Variants in MYO16 observed in about 807,000 individuals in gnomAD.
MYO16 encodes the protein myosin XVI.
A neutral mutation model predicts 205.3 loss-of-function variants in MYO16; 94 were observed. The observed-to-expected ratio is 0.46, with a 90% CI of 0.39 to 0.54. The LOEUF (loss-of-function observed/expected upper bound fraction) is 0.54. Ranked by LOEUF, MYO16 falls within the 20% of genes least tolerant of loss-of-function variation. The pLI is 0.00. For missense variants in MYO16, 2,315 were observed against 2,387.5 expected (o/e 0.97, Z 0.63); for synonymous variants, 988 against 954.0 (o/e 1.04, Z -0.66).
chr13:108,669,939 G>A (rs550903958), intron 2 of MYO16, among the ~76,000 whole-genome samples: 13 of 152,084 alleles, frequency 8.5e-5, no homozygotes, highest in South Asian at 2.1e-4. Flanking sequence ...GGGTGGTAAC[G>A]GGAGGGAGAG....
Position 109,140,790 on chromosome 13 carries a change from C to A in MYO16, c.4578C>A (p.Pro1526=). 1.3e-6 allele frequency: 2 copies of A among 1,577,000 alleles called. No individual in the cohort carries two copies. The highest frequency in any genetic ancestry group is 8.6e-7 in the Non-Finnish European group (1 of 1,164,572). The change falls in exon 32 of 35, where the codon CCC becomes CCA. Residue 1526 remains proline, a synonymous_variant. Transcript: ENST00000457511. This position sits in a 1 kb window ranked among gnomAD's most constrained non-coding sequence, Gnocchi z 8.0. ...VFPPTPVTCS[P]ASDESPLTPL... ...CCCCGACCCCCGTCACCTGCTCCCC[C>A]GCCTCCGACGAGTCGCCCCTGACAC...
chr13:108,952,719 C>T (rs9587731), intron 16 of MYO16, among the ~76,000 whole-genome samples: 20,324 of 152,152 alleles, frequency 0.13, 1,540 homozygotes, highest in Middle Eastern at 0.24. Flanking sequence ...AATTACTCTT[C>T]ACAAATGCTC....
chr13:109,146,324 T>A (rs1039679088), intron 32 of MYO16, among the ~76,000 whole-genome samples: 2 of 152,246 alleles, frequency 1.3e-5, no homozygotes, highest in Non-Finnish European at 2.9e-5. Context: ...CATAGGGCCA[T>A]TTGTTTACAA....
At chr13:108,722,446 T>C (rs919335903) in intron 3 of MYO16, among the ~76,000 whole-genome samples, 3 of 152,200 alleles carry the variant, frequency 2.0e-5, no homozygotes, top group African/African-American at 7.2e-5. Context: ...GCTGTCAAAT[T>C]ATTATTCATA....
At chr13:108,582,480 G>A in the MYO16 span, among the ~76,000 whole-genome samples, 1 of 152,194 alleles carries the variant, frequency 6.6e-6, no homozygotes, top group Non-Finnish European at 1.5e-5. Flanking sequence ...ACCCAACTGA[G>A]CACCCAGCTC....
At chr13:108,886,234 A>G (rs1879874674) in intron 13 of MYO16, among the ~76,000 whole-genome samples, 2 of 151,996 alleles carry the variant, frequency 1.3e-5, no homozygotes, top group African/African-American at 2.4e-5. Flanking sequence ...TGATCCGCCC[A>G]CCACAGCCTC....
intron 2 of MYO16, among the ~76,000 whole-genome samples, chr13:108,705,307 C>T (rs914738441): frequency 1.3e-5 from 2 of 152,172 alleles, no homozygotes; most frequent in South Asian, 2.1e-4. Context: ...CTCAGTGATC[C>T]GGGATCACCT....
chr13:108,961,763 T>C lies in MYO16; in HGVS notation c.2155+107T>C, dbSNP rs1883592648. 5 of 830,046 alleles carry C rather than the reference T, an allele frequency of 6.0e-6. No homozygotes were observed. The Admixed American group carries it at 8.0e-5, about 13-fold the overall frequency. 51.4% of individuals were successfully genotyped at this position (830,046 alleles called of 1,614,324 possible). ...GAAAAGCCAGTTGGCTTAAACCCTTTCCTCTATAGTAGAATTCAGTGAGGG... is the reference window on the plus strand; with the variant it reads ...GAAAAGCCAGTTGGCTTAAACCCTTCCCTCTATAGTAGAATTCAGTGAGGG... On this transcript the variant is annotated intron_variant, in intron 18 of 34. Coordinates refer to ENST00000457511, the MANE Select transcript of MYO16 (RefSeq NM_001198950.3).
At chr13:109,047,984 G>T (rs1191179889) in intron 24 of MYO16, among the ~76,000 whole-genome samples, 3 of 151,810 alleles carry the variant, frequency 2.0e-5, no homozygotes, top group Non-Finnish European at 4.4e-5. Flanking sequence ...TTATGAAGAC[G>T]GAAAAGAATT....
intron 14 of MYO16, among the ~76,000 whole-genome samples, chr13:108,894,982 A>G (rs1176835396): frequency 6.6e-6 from 1 of 152,252 alleles, no homozygotes; most frequent in East Asian, 1.9e-4. Flanking sequence ...AATGAATTTC[A>G]ACTTTAAGAA....
chr13:108,967,885 A>G (rs942930070), intron 20 of MYO16, among the ~76,000 whole-genome samples: 2 of 152,118 alleles, frequency 1.3e-5, no homozygotes, highest in African/African-American at 2.4e-5. Flanking sequence ...GCTTCCTCAC[A>G]TCTCCTCCCA....
At chr13:108,753,197 GTC>G (rs1244354084) in intron 4 of MYO16, among the ~76,000 whole-genome samples, 1 of 151,628 alleles carries the variant, frequency 6.6e-6, no homozygotes, top group African/African-American at 2.4e-5. Context: ...GTGAAACCCT[GTC>G]TCTACTAAGA....
Position 109,101,211 on chromosome 13 carries a change from C to G in MYO16, c.3438+324C>G, listed in dbSNP as rs1009712748. 1.9e-5 allele frequency: 4 copies of G among 212,388 alleles called. No individual in the cohort carries two copies. In the South Asian group the frequency reaches 2.7e-4, roughly 14 times the overall value. 13.2% of individuals were successfully genotyped at this position (212,388 alleles called of 1,614,324 possible). ...TGTCATATTTACCCATAGCAGGAGT[C>G]AGAGGAGCCAAAATTGAAGAACTAA... On this transcript the variant is annotated intron_variant, in intron 28 of 34. Coordinates refer to ENST00000457511, the MANE Select transcript of MYO16 (RefSeq NM_001198950.3).
At chr13:108,857,048 C>G (rs910502542) in intron 11 of MYO16, among the ~76,000 whole-genome samples, 12 of 152,276 alleles carry the variant, frequency 7.9e-5, no homozygotes, top group African/African-American at 2.6e-4. Flanking sequence ...TCTAAATTAC[C>G]TGATTATCGC....
At chr13:108,836,084 T>C (rs1876902823) in intron 9 of MYO16, among the ~76,000 whole-genome samples, 1 of 152,140 alleles carries the variant, frequency 6.6e-6, no homozygotes, top group Non-Finnish European at 1.5e-5. Context: ...CCAGGAAGTC[T>C]GGGAGGCAAA....
At chr13:108,704,257 T>C (rs930629053) in intron 2 of MYO16, among the ~76,000 whole-genome samples, 15 of 152,188 alleles carry the variant, frequency 9.9e-5, no homozygotes, top group Non-Finnish European at 2.1e-4. Context: ...ATAGATATTA[T>C]AAAATAATGC....
chr13:108,925,865 A>G (rs1363413569), intron 16 of MYO16, among the ~76,000 whole-genome samples: 1 of 152,134 alleles, frequency 6.6e-6, no homozygotes, highest in African/African-American at 2.4e-5. Flanking sequence ...TGTGCTTTCT[A>G]AAGTAGAAGT....
At chr13:109,065,476 T>G (rs1416328069) in intron 27 of MYO16, 1 of 412,110 alleles carries the variant, frequency 2.4e-6, no homozygotes, top group Non-Finnish European at 4.6e-6. Context: ...AAACCATTTA[T>G]TTTTTTCAAA....
At chr13:109,034,442 T>C (rs2139563827) in intron 23 of MYO16, among the ~76,000 whole-genome samples, 1 of 152,276 alleles carries the variant, frequency 6.6e-6, no homozygotes, top group East Asian at 1.9e-4. Context: ...CGCTCAGCAC[T>C]TCTCCTTCCT....
Sources: allele counts gnomAD v4.1 joint callset (sites outside exome capture counted in the v4.1 genomes callset), GRCh38; gene constraint gnomAD v4.1.1; non-coding constraint Gnocchi (gnomAD v3.1); transcripts MANE v1.5; gene names NCBI Gene and HGNC (gene_info 2026-07-23, HGNC 2026-07-21).